The following ZNF513 variants were observed in gnomAD, a reference collection of about 807,000 sequenced individuals.
ZNF513 encodes the protein zinc finger protein 513.
ZNF513 carries 16 observed loss-of-function variants against 39.7 expected under a neutral mutation model. That is an observed-to-expected ratio of 0.40 (90% CI 0.27 to 0.61). ZNF513 has a LOEUF of 0.61. Among genes scored for constraint, ZNF513 ranks in the 20% least tolerant of loss-of-function variants. The pLI, the probability that ZNF513 is intolerant of heterozygous loss-of-function variation, is 0.39. For synonymous variants in ZNF513, 348 were observed against 296.5 expected (o/e 1.17, Z -1.79); for missense variants, 699 against 743.6 (o/e 0.94, Z 0.70).
chr2:27,377,464 T>C lies in ZNF513; in HGVS notation c.*81A>G, dbSNP rs529310636. On this transcript the variant is annotated 3_prime_UTR_variant, in exon 4 of 4. Transcript: ENST00000323703. The surrounding 1 kb of genome is among the most constrained non-coding windows in gnomAD (Gnocchi z 4.4). ...GGTCCTTATAGTGCCTACGTTAGTC[T>C]GTGTGGAGCCCCTGGCCAGCGGGGG... is the stretch of plus-strand genomic sequence containing the variant. 4 of 1,482,306 alleles carry C rather than the reference T, an allele frequency of 2.7e-6. No individual in the cohort carries two copies. The African/African-American group carries it at 5.5e-5, about 20-fold the overall frequency. The allele number at this position is 1,482,306 out of a possible 1,614,324, so 91.8% of individuals were successfully genotyped here. A position where few individuals can be genotyped will look rare whatever the true frequency, so the allele number is the denominator to read the frequency against.
rs1482296643 is a variant in ZNF513 at position 27,377,246 on chromosome 2, T to C, written c.*299A>G. On this transcript the variant is annotated 3_prime_UTR_variant, in exon 4 of 4. Coordinates refer to ENST00000323703, the MANE Select transcript of ZNF513 (RefSeq NM_144631.6). The surrounding 1 kb of genome is among the most constrained non-coding windows in gnomAD (Gnocchi z 4.4). ...AGCATAGACATGGCTTTGTTAGTGT[T>C]TCCTTTATTATAAAGCACTGAAATA... 55 of 562,246 alleles carry C rather than the reference T, an allele frequency of 9.8e-5. No homozygotes were observed. In the Admixed American group the frequency reaches 1.6e-3, roughly 16 times the overall value. The allele number at this position is 562,246 out of a possible 1,614,324, so 34.8% of individuals were successfully genotyped here.
Position 27,378,056 on chromosome 2 carries a change from G to A in ZNF513, c.1115C>T (p.Pro372Leu), listed in dbSNP as rs1683426023. 6.2e-7 allele frequency: 1 copy of A among 1,610,820 alleles called. No homozygotes were observed. The highest frequency in any genetic ancestry group is 1.1e-5 in the South Asian group (1 of 91,034). The part of the protein sequence containing the change: ...CSLCPFATHY[P>L]NHLARHMKTH... ...CTTCATGTGCCGGGCCAGGTGGTTG[G>A]GATAGTGAGTGGCAAAGGGGCAGAG... Residue 372 changes from proline (P) to leucine (L), a missense_variant, in exon 4 of 4, where the codon CCC (proline) becomes CTC (leucine). Pro to Leu is a moderately conservative substitution (Grantham distance 98, BLOSUM62 -3). Around this residue, in one of 3 missense-constraint regions of ZNF513, gnomAD observed 98 missense variants for 180.2 expected, o/e 0.54. Transcript: ENST00000323703. This position sits in a 1 kb window ranked among gnomAD's most constrained non-coding sequence, Gnocchi z 8.0.
In ZNF513 at chr2:27,378,214, A is replaced by G. The variant is rs1282596817; in HGVS notation, c.957T>C (p.Cys319=). ...ELLFPWTCRG[C]GQELEEGEGS... is the part of the protein sequence containing the mutation. ...CCTCACCCTCCTCCAGCTCTTGTCC[A>G]CAGCCCCGGCAGGTCCAAGGGAATA... The change falls in exon 4 of 4, where the codon TGT becomes TGC. Residue 319 remains cysteine, a synonymous_variant. Coordinates refer to ENST00000323703, the MANE Select transcript of ZNF513 (RefSeq NM_144631.6). This position sits in a 1 kb window ranked among gnomAD's most constrained non-coding sequence, Gnocchi z 8.0. The G allele has an allele frequency of 6.2e-7, 1 of 1,607,054 alleles. No individual in the cohort carries two copies. The highest frequency in any genetic ancestry group is 1.1e-5 in the South Asian group (1 of 91,082).
rs1166911976 is a variant in ZNF513 at position 27,380,712 on chromosome 2, C to T, written c.-186G>A. On this transcript the variant is annotated 5_prime_UTR_variant, in exon 1 of 4. Transcript: ENST00000323703. Reference sequence around the variant, plus strand: ...CTCAGGCCGCTCCCGCCGCCGCCGCCGCTTCCATTCATGGAGCCCCCTACC... The same window carrying T: ...CTCAGGCCGCTCCCGCCGCCGCCGCTGCTTCCATTCATGGAGCCCCCTACC... 13 of 1,055,872 alleles carry T rather than the reference C, an allele frequency of 1.2e-5. No homozygotes were observed. The highest frequency in any genetic ancestry group is 1.6e-5 in the Non-Finnish European group (13 of 827,740). 65.4% of individuals were successfully genotyped at this position (1,055,872 alleles called of 1,614,324 possible). A position where few individuals can be genotyped will look rare whatever the true frequency, so the allele number is the denominator to read the frequency against.
At chr2:27,379,954 A>G in intron 2 of ZNF513, 139 bp downstream of exon 2, 1 of 1,162,676 alleles carries the variant, frequency 8.6e-7, no homozygotes, top group South Asian at 1.2e-5. Flanking sequence ...CATTAAACAA[A>G]TGAAGTCATC....
Position 27,378,431 on chromosome 2 carries a change from C to G in ZNF513, c.799+36G>C. ...CCAAGCATTCCTAGGGTCAGCCACC[C>G]ATGTCCCAAGATCTTTGGTCCCTGG... On this transcript the variant is annotated intron_variant, in intron 3 of 3. Transcript: ENST00000323703. The surrounding 1 kb of genome is among the most constrained non-coding windows in gnomAD (Gnocchi z 8.0). 2.5e-6 allele frequency: 4 copies of G among 1,613,466 alleles called. No individual in the cohort carries two copies. The highest frequency in any genetic ancestry group is 3.4e-6 in the Non-Finnish European group (4 of 1,179,992).
rs1481022319 is a variant in ZNF513, at chr2:27,380,567, G to A, written c.-41C>T. ...CCCGACGCGCCTCCGGCCTGCGGCCGCCCGACCCCGCCCCTCCTATCTCGG... is the reference window on the plus strand; with the variant it reads ...CCCGACGCGCCTCCGGCCTGCGGCCACCCGACCCCGCCCCTCCTATCTCGG... On this transcript the variant is annotated 5_prime_UTR_variant, in exon 1 of 4. Coordinates refer to ENST00000323703, the MANE Select transcript of ZNF513 (RefSeq NM_144631.6). 1.3e-6 allele frequency: 2 copies of A among 1,532,730 alleles called. No individual in the cohort carries two copies. Among genetic ancestry groups the A allele is most frequent in the Admixed American group, 2.0e-5 (1 of 50,834 alleles). 94.9% of individuals were successfully genotyped at this position (1,532,730 alleles called of 1,614,324 possible). A position where few individuals can be genotyped will look rare whatever the true frequency, so the allele number is the denominator to read the frequency against.
intron 2 of ZNF513, among the ~76,000 whole-genome samples, chr2:27,379,867 C>G (rs878978017): frequency 6.6e-6 from 1 of 152,196 alleles, no homozygotes; most frequent in Non-Finnish European, 1.5e-5. Flanking sequence ...CCATGTGATT[C>G]ACCCACCCTC....
chr2:27,379,650 A>G (rs749336008), intron 2 of ZNF513, among the ~76,000 whole-genome samples: 2 of 152,236 alleles, frequency 1.3e-5, no homozygotes, highest in Non-Finnish European at 2.9e-5. Flanking sequence ...ATCACAGGGA[A>G]GAGGGACATG....
chr2:27,379,191 A>G (rs998723614), intron 2 of ZNF513, 137 bp from the exon 3 acceptor site: 4 of 797,590 alleles, frequency 5.0e-6, no homozygotes, highest in Admixed American at 2.2e-5. Flanking sequence ...CCTCCTAGGA[A>G]TCAAGGTCTC....
Position 27,378,896 on chromosome 2 carries a change from C to G in ZNF513, c.370G>C (p.Gly124Arg), listed in dbSNP as rs965906683. 1 of 1,604,086 alleles carries G rather than the reference C, an allele frequency of 6.2e-7. No homozygotes were observed. The highest frequency in any genetic ancestry group is 8.5e-7 in the Non-Finnish European group (1 of 1,175,078). ...ERPGPACQLC[G>R]GPTGEGPCCG... is the part of the protein sequence containing the mutation. Reference sequence around the variant, plus strand: ...CACGGCCCCTCACCTGTCGGCCCCCCACACAGCTGGCAGGCTGGGCCTGGC... The same window carrying G: ...CACGGCCCCTCACCTGTCGGCCCCCGACACAGCTGGCAGGCTGGGCCTGGC... Residue 124 changes from glycine to arginine, a missense_variant, in exon 3 of 4, where the codon GGG becomes CGG. By Grantham distance (125) the Gly-to-Arg change is moderately radical. Transcript: ENST00000323703. This position sits in a 1 kb window ranked among gnomAD's most constrained non-coding sequence, Gnocchi z 8.0.
Position 27,380,533 on chromosome 2 carries a change from C to T in ZNF513, c.-7G>A. ...TTTGCTTCCTTCGGGGCATCGTGAC[C>T]GGCTCCAGCCCGACGCGCCTCCGGC... On this transcript the variant is annotated 5_prime_UTR_variant, in exon 1 of 4. Coordinates refer to ENST00000323703, the MANE Select transcript of ZNF513 (RefSeq NM_144631.6). 8 of 1,566,908 alleles carry T rather than the reference C, an allele frequency of 5.1e-6. 1 individual carries two copies. The highest frequency in any genetic ancestry group is 3.4e-5 in the South Asian group (3 of 87,610).
chr2:27,377,526 TGGGGAAGAAG>T lies in ZNF513; in HGVS notation c.*9_*18del, dbSNP rs779472414. 52 of 1,613,358 alleles carry T rather than the reference TGGGGAAGAAG, an allele frequency of 3.2e-5. No homozygotes were observed. The highest frequency in any genetic ancestry group is 4.2e-5 in the Non-Finnish European group (49 of 1,179,610). On this transcript the variant is annotated 3_prime_UTR_variant, in exon 4 of 4. Transcript: ENST00000323703. This position sits in a 1 kb window ranked among gnomAD's most constrained non-coding sequence, Gnocchi z 4.4. The stretch of plus-strand genomic sequence containing the variant: ...GCTTCTGGTCCGTCTGTATAAAACA[TGGGGAAGAAG>T]GACCTAGTTCAGGATGAGTCTGTGT...
rs752908594 is a variant in ZNF513, at chr2:27,380,154, C to T, written c.150G>A (p.Glu50=). The change falls in exon 2 of 4, where the codon GAG becomes GAA. Residue 50 remains glutamate, a synonymous_variant. Transcript: ENST00000323703. ...TGTTGCCGTCGCCTTCCTCCTCTTC[C>T]TCTTCCTCCTCAAACTCCAGATCCT... ...LGQDLEFEEE[E]EEEEGDGNSD... is the part of the protein sequence containing the mutation. 1 of 1,614,110 alleles carries T rather than the reference C, an allele frequency of 6.2e-7. No homozygotes were observed. The highest frequency in any genetic ancestry group is 2.2e-5 in the East Asian group (1 of 44,874).
chr2:27,377,962 C>T lies in ZNF513; in HGVS notation c.1209G>A (p.Leu403=), dbSNP rs767264817. The part of the protein sequence containing the change: ...CPYASAHLDN[L]KRHQRVHTGE... The stretch of plus-strand genomic sequence containing the variant: ...CTGTATGGACGCGCTGGTGCCGTTT[C>T]AGGTTATCCAGATGAGCAGAGGCAT... The change falls in exon 4 of 4, where the codon CTG becomes CTA. Residue 403 remains leucine (L), a synonymous_variant. Coordinates refer to ENST00000323703, the MANE Select transcript of ZNF513 (RefSeq NM_144631.6). This position sits in a 1 kb window ranked among gnomAD's most constrained non-coding sequence, Gnocchi z 4.4. The T allele has an allele frequency of 1.1e-5, 18 of 1,613,370 alleles. No homozygotes were observed. In the East Asian group the frequency reaches 1.3e-4, roughly 12 times the overall value.
Position 27,377,837 on chromosome 2 carries a change from C to A in ZNF513, c.1334G>T (p.Arg445Leu). ...GRIHSGDKPFRCSLCNYSCNQ... is the reference protein window; with the variant it reads ...GRIHSGDKPFLCSLCNYSCNQ... Reference sequence around the variant, plus strand: ...GCAGCTGTAGTTGCAAAGGCTACACCGAAAAGGTTTGTCACCAGAGTGGAT... The same window carrying A: ...GCAGCTGTAGTTGCAAAGGCTACACAGAAAAGGTTTGTCACCAGAGTGGAT... The change falls in exon 4 of 4, where the codon CGG becomes CTG. Residue 445 changes from arginine (R) to leucine (L), a missense_variant. Transcript: ENST00000323703. This position sits in a 1 kb window ranked among gnomAD's most constrained non-coding sequence, Gnocchi z 4.4. 6.2e-7 allele frequency: 1 copy of A among 1,613,944 alleles called. No individual in the cohort carries two copies. Among genetic ancestry groups the A allele is most frequent in the Non-Finnish European group, 8.5e-7 (1 of 1,180,000 alleles).
rs777752314 is a variant in ZNF513 at position 27,379,066 on chromosome 2, G to A, written c.212-12C>T. 6.8e-6 allele frequency: 11 copies of A among 1,611,368 alleles called. No homozygotes were observed. The highest frequency in any genetic ancestry group is 9.3e-6 in the Non-Finnish European group (11 of 1,178,976). The stretch of plus-strand genomic sequence containing the variant: ...CCCCAGAGAGTCTCCTGGTGAAATA[G>A]ACATAAGAAGAGACATCAGCATAGG... On this transcript the variant is annotated splice_polypyrimidine_tract_variant and intron_variant, in intron 2 of 3. Transcript: ENST00000323703.
chr2:27,378,731 G>C lies in ZNF513; in HGVS notation c.535C>G (p.Arg179Gly). 5 of 1,614,002 alleles carry C rather than the reference G, an allele frequency of 3.1e-6. No individual in the cohort carries two copies. Among genetic ancestry groups the C allele is most frequent in the Non-Finnish European group, 4.2e-6 (5 of 1,179,968 alleles). Residue 179 changes from arginine to glycine, a missense_variant, in exon 3 of 4, where the codon CGC becomes GGC. This residue lies in a region of ZNF513 where 530 missense variants were observed against 499.3 expected (regional missense o/e 1.06). Coordinates refer to ENST00000323703, the MANE Select transcript of ZNF513 (RefSeq NM_144631.6). The surrounding 1 kb of genome is among the most constrained non-coding windows in gnomAD (Gnocchi z 8.0). ...GAGGCGTAGGGGCAGCGGCCACAGCGGAACGGCTTCTCTCCGCTGTGTGTC... is the reference window on the plus strand; with the variant it reads ...GAGGCGTAGGGGCAGCGGCCACAGCCGAACGGCTTCTCTCCGCTGTGTGTC... ...MQTHSGEKPF[R>G]CGRCPYASAQ...
chr2:27,377,717 T>C lies in ZNF513; in HGVS notation c.1454A>G (p.Asp485Gly). The C allele has an allele frequency of 6.2e-7, 1 of 1,614,234 alleles. No individual in the cohort carries two copies. The highest frequency in any genetic ancestry group is 8.5e-7 in the Non-Finnish European group (1 of 1,180,040). ...CACCTTCTGGTGGCGCTTGTAGTTGTCCCAGTGGCCCGTGGTATAGGCGCA... is the reference window on the plus strand; with the variant it reads ...CACCTTCTGGTGGCGCTTGTAGTTGCCCCAGTGGCCCGTGGTATAGGCGCA... ...ATCAYTTGHW[D>G]NYKRHQKVHG... The change falls in exon 4 of 4, where the codon GAC becomes GGC. Residue 485 changes from aspartate (D) to glycine (G), a missense_variant. Physicochemically the swap from Asp to Gly is moderately conservative, Grantham distance 94. Around this residue, in one of 3 missense-constraint regions of ZNF513, gnomAD observed 98 missense variants for 180.2 expected, o/e 0.54. Transcript: ENST00000323703. The surrounding 1 kb of genome is among the most constrained non-coding windows in gnomAD (Gnocchi z 4.4).
Sources: allele counts gnomAD v4.1 joint callset (sites outside exome capture counted in the v4.1 genomes callset), GRCh38; gene constraint gnomAD v4.1.1; regional missense constraint gnomAD v4.1.1; non-coding constraint Gnocchi (gnomAD v3.1); transcripts MANE v1.5; gene names NCBI Gene and HGNC (gene_info 2026-07-23, HGNC 2026-07-21).